PLCB2: variants seen among roughly 807,000 people sequenced by gnomAD.
The protein encoded by PLCB2 is 1-phosphatidylinositol 4,5-bisphosphate phosphodiesterase beta-2.
A neutral mutation model predicts 141.7 loss-of-function variants in PLCB2; 115 were observed. That is an observed-to-expected ratio of 0.81 (90% CI 0.70 to 0.95). PLCB2 has a LOEUF of 0.95. Among genes scored for constraint, PLCB2 ranks in the 40% least tolerant of loss-of-function variants. PLCB2 has a pLI of 0.00. For missense variants in PLCB2, 1,403 were observed against 1,541.1 expected (o/e 0.91, Z 1.50); for synonymous variants, 603 against 595.6 (o/e 1.01, Z -0.18).
At chr15:40,291,805 G>A (rs2141055584) in intron 24 of PLCB2, 44 bp downstream of exon 24, 1 of 1,613,564 alleles carries the variant, frequency 6.2e-7, no homozygotes, top group Non-Finnish European at 8.5e-7. Flanking sequence ...TGTGGGTGCA[G>A]AGGTGGAGGT....
chr15:40,292,174 G>A lies in PLCB2; in HGVS notation c.2432-16C>T. Reference sequence around the variant, plus strand: ...ACAGTGAGATCTGGGTGGGTGCACAGGACATTACAACATAGTGTATATGGA... The same window carrying A: ...ACAGTGAGATCTGGGTGGGTGCACAAGACATTACAACATAGTGTATATGGA... On this transcript the variant is annotated splice_polypyrimidine_tract_variant and intron_variant, in intron 22 of 31. Transcript: ENST00000260402. 6.2e-7 allele frequency: 1 copy of A among 1,607,396 alleles called. No homozygotes were observed. Among genetic ancestry groups the A allele is most frequent in the Non-Finnish European group, 8.5e-7 (1 of 1,174,038 alleles).
chr15:40,288,857 T>A lies in PLCB2; in HGVS notation c.3416A>T (p.Lys1139Met). 1.9e-6 allele frequency: 3 copies of A among 1,614,042 alleles called. No individual in the cohort carries two copies. The highest frequency in any genetic ancestry group is 2.5e-6 in the Non-Finnish European group (3 of 1,180,004). ...ARMKGLEAEVKESVRACLRTC... is the reference protein window; with the variant it reads ...ARMKGLEAEVMESVRACLRTC... ...CCTGAGGCAGGCCCTCACCGACTCC[T>A]TCACCTCTGCCTCCAGACCCTTCAT... Residue 1139 changes from lysine to methionine, a missense_variant, in exon 32 of 32, where the codon AAG (lysine) becomes ATG (methionine). Lys to Met is a moderately conservative substitution (Grantham distance 95, BLOSUM62 -1). Coordinates refer to ENST00000260402, the MANE Select transcript of PLCB2 (RefSeq NM_004573.3).
rs1566871919 is a variant in PLCB2 at position 40,291,056 on chromosome 15, C to CG, written c.2997dup (p.Glu1000ArgfsTer77). ...TGCTCCTTGCGCTTCAGAACGCACT[C>CG]GTACTGCTCCTCGCCCTGCCGCAGC... On this transcript the variant is annotated frameshift_variant, in exon 27 of 32. Transcript: ENST00000260402. LOFTEE classifies it high-confidence loss of function. 4 of 1,592,960 alleles carry CG rather than the reference C, an allele frequency of 2.5e-6. No homozygotes were observed. The highest frequency in any genetic ancestry group is 8.5e-7 in the Non-Finnish European group (1 of 1,177,262).
chr15:40,303,064 T>C (rs2040603478), intron 3 of PLCB2, among the ~76,000 whole-genome samples: 1 of 152,170 alleles, frequency 6.6e-6, no homozygotes, highest in Non-Finnish European at 1.5e-5. Context: ...CCCAGATCCC[T>C]GCCATCTCAG....
Position 40,290,908 on chromosome 15 carries a change from G to T in PLCB2, c.3037-71C>A. 3.5e-6 allele frequency: 5 copies of T among 1,409,984 alleles called. No homozygotes were observed. The South Asian group carries it at 6.1e-5, about 17-fold the overall frequency. The allele number at this position is 1,409,984 out of a possible 1,614,324, so 87.3% of individuals were successfully genotyped here. ...AGAGGGAGTACGGGGGGCGGGGGTC[G>T]GTGGAGGGGAGTCGGTGAGGGGGTT... On this transcript the variant is annotated intron_variant, in intron 27 of 31. Coordinates refer to ENST00000260402, the MANE Select transcript of PLCB2 (RefSeq NM_004573.3).
rs776573990 is a variant in PLCB2, at chr15:40,294,337, G to A, written c.1990C>T (p.Pro664Ser). The A allele has an allele frequency of 6.2e-7, 1 of 1,614,166 alleles. No homozygotes were observed. Among genetic ancestry groups the A allele is most frequent in the South Asian group, 1.1e-5 (1 of 91,086 alleles). Residue 664 changes from proline (P) to serine (S), a missense_variant, in exon 19 of 32, where the codon CCG (proline) becomes TCG (serine). By Grantham distance (74) the Pro-to-Ser change is moderately conservative (BLOSUM62 -1). Around this residue, in one of 4 missense-constraint regions of PLCB2, gnomAD observed 975 missense variants for 1,141.1 expected, o/e 0.85. Transcript: ENST00000260402. Reference protein sequence around the residue: ...YLLKHEFMRRPDKQFNPFSVD... With the variant: ...YLLKHEFMRRSDKQFNPFSVD... ...GAGAAGGGGTTGAACTGCTTGTCCG[G>A]CCGGCGCATGAACTCATGCTTGAGG...
chr15:40,292,513 G>A, intron 21 of PLCB2, 70 bp from the exon 22 acceptor site: 1 of 1,066,316 alleles, frequency 9.4e-7, no homozygotes, highest in Non-Finnish European at 1.4e-6. Flanking sequence ...ACACAGCCTA[G>A]GACCCAAGGG....
intron 7 of PLCB2, chr15:40,301,710 G>A: frequency 4.3e-6 from 3 of 704,392 alleles, no homozygotes; most frequent in Non-Finnish European, 7.8e-6. Flanking sequence ...CACAGCCCCA[G>A]CGCCCCCACC....
intron 1 of PLCB2, among the ~76,000 whole-genome samples, chr15:40,307,322 C>G (rs1434226794): frequency 6.6e-6 from 1 of 152,102 alleles, no homozygotes; most frequent in Non-Finnish European, 1.5e-5. Flanking sequence ...AGAAGAGAAG[C>G]AGACCCAAAT....
chr15:40,294,128 G>T, intron 19 of PLCB2, 138 bp downstream of exon 19: 1 of 822,756 alleles, frequency 1.2e-6, no homozygotes, highest in Non-Finnish European at 1.9e-6. Flanking sequence ...AAGGCAACTT[G>T]CTACTGCAGG....
chr15:40,304,427 A>G (rs1372605680), intron 1 of PLCB2, among the ~76,000 whole-genome samples: 1 of 152,090 alleles, frequency 6.6e-6, no homozygotes, highest in Admixed American at 6.5e-5. Context: ...ACCAGCATCC[A>G]AGGCCCTGCA....
chr15:40,305,156 TAGAG>T (rs2040728748), intron 1 of PLCB2, among the ~76,000 whole-genome samples: 2 of 150,318 alleles, frequency 1.3e-5, no homozygotes, highest in South Asian at 4.2e-4. Flanking sequence ...CAACTCTACT[TAGAG>T]AGCTTTTGTG....
Position 40,298,354 on chromosome 15 carries a change from C to A in PLCB2, c.1024G>T (p.Ala342Ser). 1.3e-6 allele frequency: 2 copies of A among 1,595,402 alleles called. No individual in the cohort carries two copies. Among genetic ancestry groups the A allele is most frequent in the Non-Finnish European group, 8.6e-7 (1 of 1,167,996 alleles). ...TAGQFSGLSSAEMYRQVLLSG... is the reference protein window; with the variant it reads ...TAGQFSGLSSSEMYRQVLLSG... Reference sequence around the variant, plus strand: ...AGCAGCACCTGGCGGTACATCTCAGCCGAGGAGAGGCCTGAGAACTGGCCG... The same window carrying A: ...AGCAGCACCTGGCGGTACATCTCAGACGAGGAGAGGCCTGAGAACTGGCCG... The change falls in exon 11 of 32, where the codon GCT becomes TCT. Residue 342 changes from alanine (A) to serine (S), a missense_variant. By Grantham distance (99) the Ala-to-Ser change is moderately conservative. Around this residue, in one of 4 missense-constraint regions of PLCB2, gnomAD observed 975 missense variants for 1,141.1 expected, o/e 0.85. Coordinates refer to ENST00000260402, the MANE Select transcript of PLCB2 (RefSeq NM_004573.3).
intron 16 of PLCB2, among the ~76,000 whole-genome samples, chr15:40,295,743 C>A (rs948864840): frequency 6.6e-6 from 1 of 152,118 alleles, no homozygotes; most frequent in African/African-American, 2.4e-5. Context: ...GGGATGCAGG[C>A]TGTGGGTTCA....
downstream of PLCB2, chr15:40,284,489 C>T (rs770646600): frequency 2.2e-6 from 1 of 455,890 alleles, no homozygotes; most frequent in South Asian, 1.5e-5. Context: ...AGAGGGCTCT[C>T]GGGCCTTTTA....
chr15:40,304,159 A>C, intron 1 of PLCB2, 81 bp from the exon 2 acceptor site: 457 of 916,478 alleles, frequency 5.0e-4, no homozygotes, highest in Non-Finnish European at 7.2e-4. Flanking sequence ...TTCAGAGCTC[A>C]TTATCTTCCC....
At chr15:40,296,460 C>T in intron 15 of PLCB2, 62 bp downstream of exon 15, 3 of 1,613,128 alleles carry the variant, frequency 1.9e-6, no homozygotes, top group Non-Finnish European at 2.5e-6. Context: ...GCCCAAGGCC[C>T]CCATCCAGGG....
downstream of PLCB2, chr15:40,284,385 C>G (rs895751718): frequency 4.3e-5 from 17 of 391,356 alleles, no homozygotes; most frequent in African/African-American, 3.2e-4. Flanking sequence ...AACACTGGGA[C>G]TTAAAAAATG....
Position 40,293,085 on chromosome 15 carries a change from TC to T in PLCB2, c.2227-61del. ...GGAGAGAGGAGCCAAGCTGACCCCC[TC>T]CCTGGCTCCAGAAGTCTCAGCATCA... On this transcript the variant is annotated intron_variant, in intron 20 of 31. Coordinates refer to ENST00000260402, the MANE Select transcript of PLCB2 (RefSeq NM_004573.3). 3.8e-6 allele frequency: 4 copies of T among 1,039,340 alleles called. No homozygotes were observed. The South Asian group carries it at 6.0e-5, about 16-fold the overall frequency. The allele number at this position is 1,039,340 out of a possible 1,614,324, so 64.4% of individuals were successfully genotyped here.
Sources: gnomAD v4.1 joint callset for allele counts (sites outside exome capture counted in the v4.1 genomes callset) on GRCh38, gnomAD v4.1.1 for gene constraint, gnomAD v4.1.1 regional missense constraint, MANE v1.5 for transcripts, NCBI Gene and HGNC (gene_info 2026-07-23, HGNC 2026-07-21) for gene names.